Variants in PTGER2 observed in about 807,000 individuals in gnomAD.
The protein encoded by PTGER2 is prostaglandin E receptor 2, also known as prostaglandin E2 receptor EP2 subtype.
In PTGER2, 22 loss-of-function variants were observed where a neutral mutation model predicts 26.2. That is an observed-to-expected ratio of 0.84 (90% CI 0.60 to 1.20). The LOEUF (loss-of-function observed/expected upper bound fraction) is 1.20, where lower values mean the gene tolerates loss of function less well. Ranked by LOEUF, PTGER2 falls within the 50% of genes most tolerant of loss-of-function variation. The pLI is 0.00. For missense variants in PTGER2, 458 were observed against 475.2 expected, an observed-to-expected ratio of 0.96 and a Z score of 0.34; for synonymous variants, 219 against 208.9, an observed-to-expected ratio of 1.05 and a Z score of -0.42.
intron 1 of PTGER2, among the ~76,000 whole-genome samples, chr14:52,316,247 G>A (rs531477076): frequency 6.6e-6 from 1 of 152,280 alleles, no homozygotes; most frequent in African/African-American, 2.4e-5. Context: ...GGCTACCTGG[G>A]GAACTGAAGG....
Position 52,315,171 on chromosome 14 carries a change from T to A in PTGER2, c.623T>A (p.Ile208Asn). Reference sequence around the variant, plus strand: ...TACGCCACCCTGCTGCTGCTTCTCATTGTCTCGGTGCTCGCCTGCAACTTC... The same window carrying A: ...TACGCCACCCTGCTGCTGCTTCTCAATGTCTCGGTGCTCGCCTGCAACTTC... ...QLYATLLLLLIVSVLACNFSV... is the reference protein window; with the variant it reads ...QLYATLLLLLNVSVLACNFSV... The change falls in exon 1 of 2, where the codon ATT (isoleucine) becomes AAT (asparagine). Residue 208 changes from isoleucine (I) to asparagine (N), a missense_variant. Ile to Asn is a moderately radical substitution (Grantham distance 149). Transcript: ENST00000245457. 1 of 1,608,372 alleles carries A rather than the reference T, an allele frequency of 6.2e-7. No homozygotes were observed. Among genetic ancestry groups the A allele is most frequent in the Non-Finnish European group, 8.5e-7 (1 of 1,179,958 alleles).
chr14:52,327,865 A>G lies in PTGER2; in HGVS notation c.*411A>G, dbSNP rs2033968632. 1 of 157,172 alleles carries G rather than the reference A, an allele frequency of 6.4e-6. No individual in the cohort carries two copies. Among genetic ancestry groups the G allele is most frequent in the Non-Finnish European group, 1.4e-5 (1 of 71,210 alleles). The allele number at this position is 157,172 out of a possible 1,614,324, so 9.7% of individuals were successfully genotyped here. ...GTACAGCCAGACCAGATTAAACTTC[A>G]TATGTAATCTCTAGGAAGTCAATAT... On this transcript the variant is annotated 3_prime_UTR_variant, in exon 2 of 2. Transcript: ENST00000245457.
chr14:52,320,566 C>A (rs1439348245), intron 1 of PTGER2, among the ~76,000 whole-genome samples: 8 of 152,136 alleles, frequency 5.3e-5, no homozygotes, highest in Non-Finnish European at 8.8e-5. Context: ...AGGCAATGAA[C>A]AGGTCTCTTT....
rs1335010417 is a variant in PTGER2 at position 52,327,317 on chromosome 14, G to A, written c.940G>A (p.Val314Ile). The A allele has an allele frequency of 1.9e-6, 3 of 1,613,180 alleles. No individual in the cohort carries two copies. The highest frequency in any genetic ancestry group is 1.7e-5 in the Admixed American group (1 of 60,018). Residue 314 changes from valine (V) to isoleucine (I), a missense_variant, in exon 2 of 2, where the codon GTC (valine) becomes ATC (isoleucine). Val to Ile is a conservative substitution (Grantham distance 29). Transcript: ENST00000245457. Reference sequence around the variant, plus strand: ...AATTAATTCAATAATTGACCCTTGGGTCTTTGCCATCCTTAGGCCTCCTGT... The same window carrying A: ...AATTAATTCAATAATTGACCCTTGGATCTTTGCCATCCTTAGGCCTCCTGT... The part of the protein sequence containing the change: ...LSINSIIDPW[V>I]FAILRPPVLR...
chr14:52,316,839 A>G (rs1594636133), intron 1 of PTGER2, among the ~76,000 whole-genome samples: 1 of 152,350 alleles, frequency 6.6e-6, no homozygotes, highest in East Asian at 1.9e-4. Flanking sequence ...ATGAGATAGA[A>G]TATTCAAAGA....
Position 52,327,547 on chromosome 14 carries a change from T to C in PTGER2, c.*93T>C. 9.7e-7 allele frequency: 1 copy of C among 1,035,554 alleles called. No individual in the cohort carries two copies. Among genetic ancestry groups the C allele is most frequent in the Non-Finnish European group, 1.4e-6 (1 of 713,636 alleles). The allele number at this position is 1,035,554 out of a possible 1,614,324, so 64.1% of individuals were successfully genotyped here. A position where few individuals can be genotyped will look rare whatever the true frequency, so the allele number is the denominator to read the frequency against. On this transcript the variant is annotated 3_prime_UTR_variant, in exon 2 of 2. Coordinates refer to ENST00000245457, the MANE Select transcript of PTGER2 (RefSeq NM_000956.4). ...AAATGAAAACAGTGTGTAAACAAAA[T>C]GAAGCTGCCCTAATAAAAAGGAGTA...
At chr14:52,322,390 G>A (rs2033904967) in intron 1 of PTGER2, among the ~76,000 whole-genome samples, 1 of 151,996 alleles carries the variant, frequency 6.6e-6, no homozygotes, top group Non-Finnish European at 1.5e-5. Flanking sequence ...ACAGGACAAG[G>A]GCAAAATCAG....
intron 1 of PTGER2, among the ~76,000 whole-genome samples, chr14:52,319,171 T>C (rs45595342): frequency 2.4e-3 from 365 of 152,364 alleles, no homozygotes; most frequent in African/African-American, 8.4e-3. Context: ...TGGACCACTT[T>C]GCCTCTTAAT....
chr14:52,317,372 A>T (rs567058900), intron 1 of PTGER2, among the ~76,000 whole-genome samples: 2 of 152,342 alleles, frequency 1.3e-5, no homozygotes, highest in East Asian at 3.9e-4. Context: ...AAATAAAGGT[A>T]GTGGTTTCCA....
At chr14:52,325,118 G>A (rs137956651) in intron 1 of PTGER2, among the ~76,000 whole-genome samples, 2,762 of 151,928 alleles carry the variant, frequency 0.018, 80 homozygotes, top group African/African-American at 0.063. Context: ...TATCCTGGGC[G>A]ACAGAGTGAG....
intron 1 of PTGER2, among the ~76,000 whole-genome samples, chr14:52,321,222 T>C (rs1416530615): frequency 6.6e-6 from 1 of 151,294 alleles, no homozygotes; most frequent in Non-Finnish European, 1.5e-5. Flanking sequence ...GGGACTTCTT[T>C]AAAGCATCAT....
chr14:52,317,789 C>A (rs2033856081), intron 1 of PTGER2, among the ~76,000 whole-genome samples: 1 of 152,176 alleles, frequency 6.6e-6, no homozygotes, highest in African/African-American at 2.4e-5. Flanking sequence ...AATCAGAAAG[C>A]CAGCCTCCCT....
At position 52,327,355 on chromosome 14, in the gene PTGER2, G is replaced by A; in HGVS notation, c.978G>A (p.Met326Ile). The A allele has an allele frequency of 1.9e-6, 3 of 1,613,408 alleles. No individual in the cohort carries two copies. The highest frequency in any genetic ancestry group is 2.2e-5 in the East Asian group (1 of 44,882). ...AILRPPVLRL[M>I]RSVLCCRISL... is the part of the protein sequence containing the mutation. ...TTAGGCCTCCTGTTCTGAGACTAATGCGTTCAGTCCTCTGTTGTCGGATTT... is the reference window on the plus strand; with the variant it reads ...TTAGGCCTCCTGTTCTGAGACTAATACGTTCAGTCCTCTGTTGTCGGATTT... The change falls in exon 2 of 2, where the codon ATG (methionine) becomes ATA (isoleucine). Residue 326 changes from methionine (M) to isoleucine (I), a missense_variant. Met to Ile is a conservative substitution (Grantham distance 10). Transcript: ENST00000245457.
chr14:52,328,433 A>T lies in PTGER2; in HGVS notation c.*979A>T, dbSNP rs1188439607. On this transcript the variant is annotated 3_prime_UTR_variant, in exon 2 of 2. Coordinates refer to ENST00000245457, the MANE Select transcript of PTGER2 (RefSeq NM_000956.4). The stretch of plus-strand genomic sequence containing the variant: ...TAGGGAACATGGTTTGACTCATCTT[A>T]TATGGGAAACCATGTAGCAGTGAGT... 1 of 152,634 alleles carries T rather than the reference A, an allele frequency of 6.6e-6. No individual in the cohort carries two copies. Among genetic ancestry groups the T allele is most frequent in the Non-Finnish European group, 1.5e-5 (1 of 68,028 alleles). 9.5% of individuals were successfully genotyped at this position (152,634 alleles called of 1,614,324 possible). A position where few individuals can be genotyped will look rare whatever the true frequency, so the allele number is the denominator to read the frequency against.
At chr14:52,316,532 C>G (rs1327862414) in intron 1 of PTGER2, among the ~76,000 whole-genome samples, 5 of 152,200 alleles carry the variant, frequency 3.3e-5, no homozygotes, top group Non-Finnish European at 5.9e-5. Context: ...CTGCCACAAT[C>G]TTGGAGAAAA....
Position 52,327,311 on chromosome 14 carries a change from C to T in PTGER2, c.934C>T (p.Pro312Ser), listed in dbSNP as rs1165654557. 7 of 1,613,058 alleles carry T rather than the reference C, an allele frequency of 4.3e-6. No individual in the cohort carries two copies. The highest frequency in any genetic ancestry group is 5.9e-6 in the Non-Finnish European group (7 of 1,179,238). Reference sequence around the variant, plus strand: ...TTTATCAATTAATTCAATAATTGACCCTTGGGTCTTTGCCATCCTTAGGCC... The same window carrying T: ...TTTATCAATTAATTCAATAATTGACTCTTGGGTCTTTGCCATCCTTAGGCC... ...RFLSINSIID[P>S]WVFAILRPPV... The change falls in exon 2 of 2, where the codon CCT becomes TCT. Residue 312 changes from proline (P) to serine (S), a missense_variant. By Grantham distance (74) the Pro-to-Ser change is moderately conservative. Coordinates refer to ENST00000245457, the MANE Select transcript of PTGER2 (RefSeq NM_000956.4).
chr14:52,320,420 A>G (rs914823600), intron 1 of PTGER2, among the ~76,000 whole-genome samples: 1 of 152,212 alleles, frequency 6.6e-6, no homozygotes, highest in Non-Finnish European at 1.5e-5. Flanking sequence ...CTGCTATCTC[A>G]GATGGTTTAG....
chr14:52,319,070 C>A (rs929276331), intron 1 of PTGER2, among the ~76,000 whole-genome samples: 1 of 152,190 alleles, frequency 6.6e-6, no homozygotes, highest in Non-Finnish European at 1.5e-5. Context: ...AACCACAACA[C>A]TATCCAAGAG....
chr14:52,320,323 T>G (rs1456739793), intron 1 of PTGER2, among the ~76,000 whole-genome samples: 2 of 152,206 alleles, frequency 1.3e-5, no homozygotes, highest in Non-Finnish European at 2.9e-5. Context: ...ACACTGGTTT[T>G]AAAAATGTAA....
Sources: gnomAD v4.1 joint callset for allele counts (sites outside exome capture counted in the v4.1 genomes callset) on GRCh38, gnomAD v4.1.1 for gene constraint, MANE v1.5 for transcripts, NCBI Gene and HGNC (gene_info 2026-07-23, HGNC 2026-07-21) for gene names.